MGAT4C: variants seen among roughly 807,000 people sequenced by gnomAD.
MGAT4C encodes alpha-1,3-mannosyl-glycoprotein 4-beta-N-acetylglucosaminyltransferase C.
Under a neutral mutation model 40.1 loss-of-function variants are expected in MGAT4C, and 19 were observed. That is an observed-to-expected ratio of 0.47 (90% CI 0.33 to 0.70). MGAT4C has a LOEUF of 0.70. MGAT4C is among the 30% of genes least tolerant of loss of function. The probability of loss-of-function intolerance (pLI) is 0.02; values close to 1 mark genes in which losing one functional copy is unlikely to be tolerated. For missense variants in MGAT4C, 491 were observed against 563.2 expected (o/e 0.87, Z 1.30); for synonymous variants, 181 against 187.1 (o/e 0.97, Z 0.27).
At chr12:86,052,000 A>G (rs944059384) in intron 1 of MGAT4C, among the ~76,000 whole-genome samples, 1 of 151,776 alleles carries the variant, frequency 6.6e-6, no homozygotes, top group Non-Finnish European at 1.5e-5. Context: ...AATTTTCTAT[A>G]AATTGGCTAA....
rs551687479 is a variant in MGAT4C at position 86,827,398 on chromosome 12, C to T, written c.-262+11268G>A. Among the ~76,000 whole-genome samples the T allele has an allele frequency of 1.9e-4, 29 of 151,534 alleles. No individual in the cohort carries two copies. In the East Asian group the frequency reaches 4.5e-3, roughly 23 times the overall value. On this transcript the variant is annotated intron_variant, in intron 1 of 7. Transcript: ENST00000548651. ...TTCTTTACACTTTCCTGAATATTTC[C>T]TACTGAGTTTTTCTCAATAGTATTT...
intron 4 of MGAT4C, among the ~76,000 whole-genome samples, chr12:86,314,504 T>C (rs1954154130): frequency 6.6e-6 from 1 of 152,204 alleles, no homozygotes; most frequent in Non-Finnish European, 1.5e-5. Flanking sequence ...AGTCAAACTA[T>C]CTCTATTTGC....
chr12:86,494,517 A>G (rs555801253), intron 2 of MGAT4C, among the ~76,000 whole-genome samples: 42 of 151,970 alleles, frequency 2.8e-4, no homozygotes, highest in African/African-American at 1.0e-3. Flanking sequence ...TGATAATTTT[A>G]AAACTTAGAC....
chr12:86,433,624 T>C (rs1268810806), intron 3 of MGAT4C, among the ~76,000 whole-genome samples: 1 of 152,014 alleles, frequency 6.6e-6, no homozygotes, highest in Non-Finnish European at 1.5e-5. Context: ...AGGCTGTCTG[T>C]ATTTCTTTCA....
intron 4 of MGAT4C, 91 bp downstream of exon 4, chr12:85,983,432 C>T: frequency 8.3e-7 from 1 of 1,199,210 alleles, no homozygotes; most frequent in East Asian, 2.8e-5. Flanking sequence ...TAGTAAAGCC[C>T]TTAAGCCTTT....
intron 3 of MGAT4C, among the ~76,000 whole-genome samples, chr12:86,402,247 C>T (rs898529177): frequency 1.3e-5 from 2 of 151,716 alleles, no homozygotes; most frequent in African/African-American, 4.8e-5. Flanking sequence ...GAGTTCAAGA[C>T]CACTCCGTCT....
At chr12:86,718,934 C>T (rs1379898549) in intron 2 of MGAT4C, among the ~76,000 whole-genome samples, 1 of 152,056 alleles carries the variant, frequency 6.6e-6, no homozygotes, top group African/African-American at 2.4e-5. Flanking sequence ...TACACGGTGG[C>T]CTTAGGGTAC....
chr12:86,353,319 T>C (rs1240032743), intron 3 of MGAT4C, among the ~76,000 whole-genome samples: 2 of 152,146 alleles, frequency 1.3e-5, no homozygotes, highest in Non-Finnish European at 2.9e-5. Flanking sequence ...ACCCTGGGTA[T>C]AATACATAAA....
intron 2 of MGAT4C, among the ~76,000 whole-genome samples, chr12:86,632,612 A>G (rs1963093289): frequency 6.6e-6 from 1 of 152,136 alleles, no homozygotes; most frequent in Admixed American, 6.5e-5. Context: ...TTGTAGGGAC[A>G]TGGATGAAGC....
intron 3 of MGAT4C, among the ~76,000 whole-genome samples, chr12:86,393,998 C>A (rs954956285): frequency 6.6e-6 from 1 of 152,186 alleles, no homozygotes; most frequent in East Asian, 1.9e-4. Context: ...ATGATTTTTT[C>A]TTCCTAGTAT....
intron 2 of MGAT4C, among the ~76,000 whole-genome samples, chr12:86,447,958 C>T (rs990226627): frequency 4.6e-5 from 7 of 152,092 alleles, no homozygotes; most frequent in Admixed American, 6.6e-5. Flanking sequence ...AATTCTGATT[C>T]GCCTATATGT....
chr12:86,033,783 A>T (rs1260106262), intron 2 of MGAT4C, among the ~76,000 whole-genome samples: 1 of 149,680 alleles, frequency 6.7e-6, no homozygotes, highest in Non-Finnish European at 1.5e-5. Flanking sequence ...GACTTCCAGT[A>T]CCATGTTGAA....
intron 1 of MGAT4C, among the ~76,000 whole-genome samples, chr12:86,198,607 A>T (rs1452474524): frequency 1.3e-5 from 2 of 152,120 alleles, no homozygotes; most frequent in African/African-American, 4.8e-5. Flanking sequence ...AGTTGTTCAT[A>T]AACTTTTATT....
chr12:86,797,649 A>G (rs908935035), intron 1 of MGAT4C, among the ~76,000 whole-genome samples: 3 of 151,908 alleles, frequency 2.0e-5, no homozygotes, highest in Non-Finnish European at 2.9e-5. Flanking sequence ...TTAGCATTAT[A>G]TCCTTTATGT....
chr12:86,026,442 C>G lies in MGAT4C; in HGVS notation c.-7+23232G>C, dbSNP rs567242770. Among the ~76,000 whole-genome samples the G allele has an allele frequency of 9.9e-5, 15 of 151,918 alleles. No homozygotes were observed. The South Asian group carries it at 2.9e-3, about 29-fold the overall frequency. ...GTTTCTTTCACTATATCTTGAAAAT[C>G]TTTCCATATCAGCACAAATAGATTC... On this transcript the variant is annotated intron_variant, in intron 2 of 4. Coordinates refer to ENST00000611864, the MANE Select transcript of MGAT4C (RefSeq NM_001351288.2).
chr12:86,515,649 A>G (rs2136353124), intron 2 of MGAT4C, among the ~76,000 whole-genome samples: 1 of 152,312 alleles, frequency 6.6e-6, no homozygotes, highest in African/African-American at 2.4e-5. Flanking sequence ...AAGTTAAGGA[A>G]GACATAAAGA....
chr12:86,170,592 T>A (rs142515567), intron 1 of MGAT4C, among the ~76,000 whole-genome samples: 92 of 152,354 alleles, frequency 6.0e-4, no homozygotes, highest in African/African-American at 1.7e-3. Flanking sequence ...ACATGAGCAA[T>A]GCAAAGTTAA....
chr12:86,480,448 A>G (rs1957913791), intron 2 of MGAT4C, among the ~76,000 whole-genome samples: 3 of 151,322 alleles, frequency 2.0e-5, no homozygotes, highest in African/African-American at 7.2e-5. Context: ...ATGTATACAT[A>G]TATAGATATG....
intron 2 of MGAT4C, among the ~76,000 whole-genome samples, chr12:86,653,066 G>T (rs1963737461): frequency 1.3e-5 from 2 of 151,814 alleles, no homozygotes; most frequent in Non-Finnish European, 2.9e-5. Context: ...TTTTAAATGA[G>T]AAGTTAATTG....
Sources: gnomAD v4.1 joint callset for allele counts (sites outside exome capture counted in the v4.1 genomes callset) on GRCh38, gnomAD v4.1.1 for gene constraint, MANE v1.5 for transcripts, NCBI Gene and HGNC (gene_info 2026-07-23, HGNC 2026-07-21) for gene names.